BLZF1: variants seen among roughly 807,000 people sequenced by gnomAD.
BLZF1 encodes the protein basic leucine zipper nuclear factor 1, also known as golgin-45.
A neutral mutation model predicts 43.8 loss-of-function variants in BLZF1; 39 were observed. The ratio of observed to expected loss-of-function variants is 0.89; its 90% CI spans 0.69 to 1.16. The LOEUF is 1.16. Ranked by LOEUF, BLZF1 falls within the 50% of genes most tolerant of loss-of-function variation. The probability of loss-of-function intolerance (pLI) is 0.00; values close to 1 mark genes in which losing one functional copy is unlikely to be tolerated. For synonymous variants in BLZF1, 136 were observed against 159.4 expected (o/e 0.85, Z 1.11); for missense variants, 449 against 469.8 (o/e 0.96, Z 0.41).
At position 169,372,698 on chromosome 1, in the gene BLZF1, G is replaced by C. The variant is rs116602480; in HGVS notation, c.28+3148G>C. On this transcript the variant is annotated intron_variant, in intron 2 of 6. Coordinates refer to ENST00000367808, the MANE Select transcript of BLZF1 (RefSeq NM_001320973.2). The stretch of plus-strand genomic sequence containing the variant: ...GTTATTTTAACTCAGGCTCTAGTGA[G>C]TTAGATTTCTTTTCACTACCCCATT... Among the ~76,000 whole-genome samples, 75 of 152,246 alleles carry C rather than the reference G, an allele frequency of 4.9e-4. 1 individual carries two copies. Among genetic ancestry groups the C allele is most frequent in the Non-Finnish European group, 7.1e-4 (48 of 67,992 alleles).
chr1:169,393,224 T>C (rs1345234234), downstream of BLZF1, among the ~76,000 whole-genome samples: 2 of 152,084 alleles, frequency 1.3e-5, no homozygotes, highest in Non-Finnish European at 2.9e-5. Flanking sequence ...TACTGAGTAT[T>C]GAGAGTATAC....
intron 6 of BLZF1, among the ~76,000 whole-genome samples, chr1:169,386,561 C>T (rs2102020865): frequency 6.6e-6 from 1 of 151,944 alleles, no homozygotes; most frequent in South Asian, 2.1e-4. Flanking sequence ...CGCCTATAGT[C>T]CCAGCTACTC....
intron 2 of BLZF1, among the ~76,000 whole-genome samples, chr1:169,370,516 T>G (rs1571431919): frequency 6.6e-6 from 1 of 152,364 alleles, no homozygotes; most frequent in East Asian, 1.9e-4. Context: ...CCTTTCACTG[T>G]CCAATGCGGT....
downstream of BLZF1, among the ~76,000 whole-genome samples, chr1:169,389,610 G>C (rs1242582855): frequency 6.6e-6 from 1 of 152,180 alleles, no homozygotes; most frequent in Non-Finnish European, 1.5e-5. Context: ...CTTCTAGGTA[G>C]ATTCCCAAAA....
At chr1:169,372,900 T>C (rs1167071947) in intron 2 of BLZF1, among the ~76,000 whole-genome samples, 1 of 152,116 alleles carries the variant, frequency 6.6e-6, no homozygotes, top group Admixed American at 6.6e-5. Flanking sequence ...TAGTGGACAT[T>C]AACACTATTT....
In BLZF1 at chr1:169,378,431, A is replaced by G. The variant is rs1485444764; in HGVS notation, c.570A>G (p.Glu190=). The part of the protein sequence containing the change: ...LAREKNQLIL[E]NEALGRNTAQ... Reference sequence around the variant, plus strand: ...GTGAGAAAAATCAGCTTATTTTAGAAAATGAAGCCCTAGGTCGAAACACAG... The same window carrying G: ...GTGAGAAAAATCAGCTTATTTTAGAGAATGAAGCCCTAGGTCGAAACACAG... The change falls in exon 4 of 7, where the codon GAA becomes GAG. Residue 190 remains glutamate (E), a synonymous_variant. Transcript: ENST00000367808. 1 of 1,613,006 alleles carries G rather than the reference A, an allele frequency of 6.2e-7. No homozygotes were observed. The highest frequency in any genetic ancestry group is 2.2e-5 in the East Asian group (1 of 44,856).
chr1:169,391,943 GTAT>G (rs1654825749), downstream of BLZF1, among the ~76,000 whole-genome samples: 1 of 85,638 alleles, frequency 1.2e-5, no homozygotes, highest in Non-Finnish European at 3.3e-5. Context: ...AAGAATTCCT[GTAT>G]TATTTTGTCA....
intron 4 of BLZF1, among the ~76,000 whole-genome samples, chr1:169,379,414 A>G (rs929836776): frequency 6.6e-6 from 1 of 151,964 alleles, no homozygotes; most frequent in South Asian, 2.1e-4. Flanking sequence ...TCATTATGCT[A>G]TTTGGAAAAA....
intron 6 of BLZF1, among the ~76,000 whole-genome samples, 182 bp from the exon 7 acceptor site, chr1:169,386,815 C>A (rs1654687024): frequency 1.3e-5 from 2 of 151,728 alleles, no homozygotes; most frequent in African/African-American, 2.4e-5. Flanking sequence ...AATCAGACAT[C>A]ATTGTTAAAT....
At chr1:169,369,572 G>T (rs769323448) in intron 2 of BLZF1, 22 bp downstream of exon 2, 2 of 1,566,908 alleles carry the variant, frequency 1.3e-6, no homozygotes, top group South Asian at 1.1e-5. Flanking sequence ...TTTTATAATT[G>T]TTTTTAAAAC....
At chr1:169,391,664 A>G (rs1014851610), downstream of BLZF1, among the ~76,000 whole-genome samples, 2 of 152,224 alleles carry the variant, frequency 1.3e-5, no homozygotes, top group Non-Finnish European at 2.9e-5. Flanking sequence ...CTATATGTCC[A>G]TGTGTAAGTG....
intron 5 of BLZF1, among the ~76,000 whole-genome samples, 199 bp from the exon 6 acceptor site, chr1:169,381,863 C>T (rs1238469809): frequency 6.6e-6 from 1 of 152,108 alleles, no homozygotes; most frequent in Non-Finnish European, 1.5e-5. Context: ...TTTCATACAA[C>T]AACCTAGTAG....
chr1:169,369,528 T>C lies in BLZF1; in HGVS notation c.6T>C (p.Thr2=). ...TCAGTGGTTAAGGTGAAAAAATGAC[T>C]ACTAAAAATTTAGAAACCAAAGGTA... M[T]TKNLETKVTV... The change falls in exon 2 of 7, where the codon ACT becomes ACC. Residue 2 remains threonine, a synonymous_variant. Coordinates refer to ENST00000367808, the MANE Select transcript of BLZF1 (RefSeq NM_001320973.2). The C allele has an allele frequency of 6.2e-7, 1 of 1,610,052 alleles. No homozygotes were observed. The highest frequency in any genetic ancestry group is 8.5e-7 in the Non-Finnish European group (1 of 1,177,468).
intron 6 of BLZF1, among the ~76,000 whole-genome samples, chr1:169,384,254 A>G (rs564492733): frequency 1.3e-5 from 2 of 151,560 alleles, no homozygotes; most frequent in South Asian, 4.2e-4. Flanking sequence ...CGTTTTTACT[A>G]TTTCCTTCAT....
intron 4 of BLZF1, among the ~76,000 whole-genome samples, 155 bp downstream of exon 4, chr1:169,378,684 TCA>T (rs111563824): frequency 0.012 from 1,818 of 152,068 alleles, 38 homozygotes; most frequent in African/African-American, 0.042. Context: ...CTCTGGATAG[TCA>T]CACAGTCTCC....
intron 2 of BLZF1, 119 bp from the exon 3 acceptor site, chr1:169,376,421 A>ATT: frequency 3.0e-5 from 23 of 767,276 alleles, no homozygotes; most frequent in South Asian, 5.5e-5. Flanking sequence ...TTTTTCTCTG[A>ATT]TTTTTTTTTT....
chr1:169,389,862 A>T (rs1053870235), downstream of BLZF1, among the ~76,000 whole-genome samples: 1 of 152,242 alleles, frequency 6.6e-6, no homozygotes, highest in Non-Finnish European at 1.5e-5. Flanking sequence ...CAAATGTCAA[A>T]TGATTCCATT....
In BLZF1 at chr1:169,387,026, C is replaced by G. The variant is rs1363383299; in HGVS notation, c.1047C>G (p.Cys349Trp). The change falls in exon 7 of 7, where the codon TGC becomes TGG. Residue 349 changes from cysteine (C) to tryptophan (W), a missense_variant. Coordinates refer to ENST00000367808, the MANE Select transcript of BLZF1 (RefSeq NM_001320973.2). ...TVLRILDPVT[C>W]KESSPDNPFF... ...TAAGAATTTTAGATCCAGTTACCTG[C>G]AAAGAGAGTTCACCTGATAATCCAT... 1 of 1,611,302 alleles carries G rather than the reference C, an allele frequency of 6.2e-7. No individual in the cohort carries two copies. The highest frequency in any genetic ancestry group is 1.7e-5 in the Admixed American group (1 of 59,356).
At chr1:169,382,425 G>A (rs886356938) in intron 6 of BLZF1, 144 bp downstream of exon 6, 7 of 682,394 alleles carry the variant, frequency 1.0e-5, no homozygotes, top group Non-Finnish European at 1.4e-5. Flanking sequence ...TTATCTTGGA[G>A]AAAATTATTT....
Sources: allele counts gnomAD v4.1 joint callset (sites outside exome capture counted in the v4.1 genomes callset), GRCh38; gene constraint gnomAD v4.1.1; transcripts MANE v1.5; gene names NCBI Gene and HGNC (gene_info 2026-07-23, HGNC 2026-07-21).